Variants in PRELID2 observed in about 807,000 individuals in gnomAD.
PRELID2 encodes the protein PRELI domain-containing protein 2.
Under a neutral mutation model 28.4 loss-of-function variants are expected in PRELID2, and 25 were observed. The observed-to-expected ratio is 0.88, with a 90% CI of 0.64 to 1.23. PRELID2 has a LOEUF of 1.23. Ranked by LOEUF, PRELID2 falls within the 50% of genes most tolerant of loss-of-function variation. The pLI is 0.00. For synonymous variants in PRELID2, 76 were observed against 71.6 expected (o/e 1.06, Z -0.31); for missense variants, 201 against 214.4 (o/e 0.94, Z 0.39).
At chr5:145,655,797 C>G (rs1197874084) in intron 1 of PRELID2, among the ~76,000 whole-genome samples, 2 of 152,174 alleles carry the variant, frequency 1.3e-5, no homozygotes, top group African/African-American at 2.4e-5. Context: ...CATAAAAACC[C>G]TAGAAGAAAA....
intron 1 of PRELID2, among the ~76,000 whole-genome samples, chr5:145,561,770 A>C (rs1752927663): frequency 1.3e-5 from 2 of 152,224 alleles, no homozygotes; most frequent in South Asian, 4.1e-4. Context: ...TAAGATTTAA[A>C]TTCAATACAT....
At chr5:145,631,815 A>G (rs941120906) in intron 1 of PRELID2, among the ~76,000 whole-genome samples, 1 of 152,182 alleles carries the variant, frequency 6.6e-6, no homozygotes, top group African/African-American at 2.4e-5. Context: ...ATATTCATTT[A>G]TTTGTAGTTT....
the PRELID2 span, among the ~76,000 whole-genome samples, chr5:145,352,281 ATCC>A: frequency 6.6e-6 from 1 of 152,106 alleles, no homozygotes; most frequent in Admixed American, 6.5e-5. Flanking sequence ...ATTTCCATAC[ATCC>A]TCTGAAATCT....
chr5:145,714,115 G>A (rs574219706), intron 1 of PRELID2, among the ~76,000 whole-genome samples: 4 of 151,876 alleles, frequency 2.6e-5, no homozygotes, highest in South Asian at 2.1e-4. Context: ...TTACCCTCTC[G>A]TCCCCTCCCC....
At chr5:145,406,762 G>A in the PRELID2 span, among the ~76,000 whole-genome samples, 9 of 152,360 alleles carry the variant, frequency 5.9e-5, no homozygotes, top group South Asian at 8.3e-4. Flanking sequence ...TACAGTGTGA[G>A]AGGGGGTAAA....
intron 1 of PRELID2, among the ~76,000 whole-genome samples, chr5:145,730,424 A>T (rs930091889): frequency 6.6e-6 from 1 of 152,214 alleles, no homozygotes; most frequent in East Asian, 1.9e-4. Context: ...AAAATGCCAA[A>T]CTAAGGTGAT....
At chr5:145,511,027 C>A (rs1253477961) in intron 1 of PRELID2, among the ~76,000 whole-genome samples, 2 of 152,182 alleles carry the variant, frequency 1.3e-5, no homozygotes, top group South Asian at 4.1e-4. Flanking sequence ...TAAGATGCAG[C>A]AAACAATATC....
At chr5:145,499,693 C>A (rs1752341273) in intron 1 of PRELID2, among the ~76,000 whole-genome samples, 1 of 152,166 alleles carries the variant, frequency 6.6e-6, no homozygotes, top group Non-Finnish European at 1.5e-5. Context: ...GTGACAGATG[C>A]AAGGGATCAT....
chr5:145,302,238 C>T, the PRELID2 span, among the ~76,000 whole-genome samples: 1 of 151,916 alleles, frequency 6.6e-6, no homozygotes, highest in East Asian at 1.9e-4. Context: ...TGGCTCACAT[C>T]AAGGCTTCTG....
chr5:145,755,911 C>T (rs1222931037), downstream of PRELID2, among the ~76,000 whole-genome samples: 15 of 152,292 alleles, frequency 9.8e-5, no homozygotes, highest in East Asian at 2.9e-3. Context: ...CACGGAAACC[C>T]ACCCAAACAC....
chr5:145,482,869 A>G (rs965134624), intron 1 of PRELID2, among the ~76,000 whole-genome samples: 1 of 151,768 alleles, frequency 6.6e-6, no homozygotes, highest in Non-Finnish European at 1.5e-5. Flanking sequence ...ACAGTTCACA[A>G]TAGGGTTCGC....
Position 145,655,699 on chromosome 5 carries a change from G to T in PRELID2, n.70+109232C>A, listed in dbSNP as rs539777302. On this transcript the variant is annotated intron_variant and non_coding_transcript_variant, in intron 1 of 2. Transcript: ENST00000510259. ...TGCTGGGAAAACTGGCAAGCCATAT[G>T]TAGAAAGCTGATGCTAGATCCCTTC... is the stretch of plus-strand genomic sequence containing the variant. 2.0e-3 allele frequency among the ~76,000 whole-genome samples: 299 copies of T among 152,320 alleles called. 2 individuals are homozygous for T. The highest frequency in any genetic ancestry group is 6.8e-3 in the African/African-American group (283 of 41,566).
At chr5:145,651,914 G>A (rs956809052) in intron 1 of PRELID2, among the ~76,000 whole-genome samples, 9 of 152,208 alleles carry the variant, frequency 5.9e-5, no homozygotes, top group Non-Finnish European at 2.9e-5. Flanking sequence ...GAATGACTTT[G>A]ACAAGTTGAG....
rs142966041 is a variant in PRELID2, at chr5:145,513,733, G to A, written n.71-40418C>T. Among the ~76,000 whole-genome samples, 882 of 152,184 alleles carry A rather than the reference G, an allele frequency of 5.8e-3. 30 individuals are homozygous for A. The highest frequency in any genetic ancestry group is 0.044 in the Admixed American group (666 of 15,288). On this transcript the variant is annotated intron_variant and non_coding_transcript_variant, in intron 1 of 2. Transcript: ENST00000510259. Reference sequence around the variant, plus strand: ...TTAGAATTAAGGAAAAAATGTTAAGGACAGTCCCAGAGGAATGTCGGGTTA... The same window carrying A: ...TTAGAATTAAGGAAAAAATGTTAAGAACAGTCCCAGAGGAATGTCGGGTTA...
chr5:145,478,862 T>A (rs925963173), intron 1 of PRELID2, among the ~76,000 whole-genome samples: 10 of 152,228 alleles, frequency 6.6e-5, no homozygotes, highest in African/African-American at 2.4e-4. Context: ...ATCTACTCTG[T>A]TGATAACAAA....
At chr5:145,540,439 A>G (rs981719158) in intron 1 of PRELID2, among the ~76,000 whole-genome samples, 3 of 152,008 alleles carry the variant, frequency 2.0e-5, no homozygotes, top group African/African-American at 7.2e-5. Flanking sequence ...CCATAAAGGA[A>G]CAACTAAATA....
the PRELID2 span, among the ~76,000 whole-genome samples, chr5:145,323,220 A>T: frequency 6.6e-6 from 1 of 151,918 alleles, no homozygotes; most frequent in Admixed American, 6.6e-5. Context: ...AAAGCTAGAA[A>T]GGGCATGGCA....
chr5:145,264,860 G>A, the PRELID2 span, among the ~76,000 whole-genome samples: 1 of 150,362 alleles, frequency 6.7e-6, no homozygotes, highest in African/African-American at 2.5e-5. Context: ...TATGATCCCA[G>A]CTACTCAGGA....
the PRELID2 span, among the ~76,000 whole-genome samples, chr5:145,319,110 T>C: frequency 1.3e-5 from 2 of 152,060 alleles, no homozygotes; most frequent in African/African-American, 4.8e-5. Context: ...ATGGGTATGG[T>C]ATAGGGGGGC....
Sources: gnomAD v4.1 joint callset for allele counts (sites outside exome capture counted in the v4.1 genomes callset) on GRCh38, gnomAD v4.1.1 for gene constraint, MANE v1.5 for transcripts, NCBI Gene and HGNC (gene_info 2026-07-23, HGNC 2026-07-21) for gene names.